The following PRRG1 variants were observed in gnomAD, a reference collection of about 807,000 sequenced individuals.
PRRG1 encodes transmembrane gamma-carboxyglutamic acid protein 1.
PRRG1 carries 5 observed loss-of-function variants against 11.8 expected under a neutral mutation model. The ratio of observed to expected loss-of-function variants is 0.42; its 90% confidence interval spans 0.22 to 0.89. The LOEUF (loss-of-function observed/expected upper bound fraction) is 0.89, where lower values mean the gene tolerates loss of function less well. PRRG1 is among the 40% of genes least tolerant of loss of function. The pLI is 0.28. For missense variants in PRRG1, 155 were observed against 166.1 expected, an observed-to-expected ratio of 0.93 and a Z score of 0.37; for synonymous variants, 66 against 60.4, an observed-to-expected ratio of 1.09 and a Z score of -0.43.
intron 1 of PRRG1, among the ~76,000 whole-genome samples, chrX:37,380,968 C>T (rs1312718607): frequency 9.0e-6 from 1 of 111,490 alleles, no homozygotes; most frequent in African/African-American, 3.3e-5. Context: ...CTTAGGGAAC[C>T]AAGGCTACCC....
intron 3 of PRRG1, among the ~76,000 whole-genome samples, chrX:37,437,409 A>G (rs939753042): frequency 4.1e-4 from 46 of 112,206 alleles, no homozygotes; most frequent in African/African-American, 1.5e-3. Flanking sequence ...AACCTTTTTC[A>G]GAACTATCCT....
intron 1 of PRRG1, among the ~76,000 whole-genome samples, chrX:37,392,035 T>C (rs1298956689): frequency 9.0e-5 from 10 of 110,859 alleles, no homozygotes; most frequent in Admixed American, 3.8e-4. Flanking sequence ...AGCCATTTCA[T>C]TGTATACACC....
At chrX:37,356,054 A>T (rs1556366027) in intron 1 of PRRG1, among the ~76,000 whole-genome samples, 2 of 112,806 alleles carry the variant, frequency 1.8e-5, no homozygotes, top group Non-Finnish European at 3.7e-5. Flanking sequence ...ATACAACAGT[A>T]TATAAAACAG....
intron 1 of PRRG1, among the ~76,000 whole-genome samples, chrX:37,400,937 G>C (rs1315545709): frequency 6.3e-4 from 70 of 111,177 alleles, no homozygotes; most frequent in African/African-American, 2.1e-3. Context: ...AAACCAGGAA[G>C]AAGTTGAATC....
chrX:37,368,702 T>G (rs1005855819), intron 1 of PRRG1, among the ~76,000 whole-genome samples: 50 of 98,640 alleles, frequency 5.1e-4, no homozygotes, highest in Non-Finnish European at 9.5e-5. Flanking sequence ...CTAAGATCTG[T>G]TTTTTTTTAT....
intron 1 of PRRG1, among the ~76,000 whole-genome samples, chrX:37,382,125 T>C (rs1556373890): frequency 9.0e-6 from 1 of 111,713 alleles, no homozygotes; most frequent in African/African-American, 3.2e-5. Context: ...TCGGAATCAA[T>C]TATTCCACAC....
At chrX:37,393,131 T>G (rs782139197) in intron 1 of PRRG1, among the ~76,000 whole-genome samples, 3 of 111,131 alleles carry the variant, frequency 2.7e-5, no homozygotes, top group Non-Finnish European at 3.8e-5. Flanking sequence ...CTAGAGATTG[T>G]AGGAGGTATC....
At chrX:37,406,943 G>T (rs1333819601) in intron 2 of PRRG1, among the ~76,000 whole-genome samples, 1 of 112,017 alleles carries the variant, frequency 8.9e-6, no homozygotes, top group African/African-American at 3.2e-5. Context: ...GAGTGCAAAG[G>T]TTGAGGACGG....
At chrX:37,394,605 C>T (rs1413552877) in intron 1 of PRRG1, among the ~76,000 whole-genome samples, 1 of 111,538 alleles carries the variant, frequency 9.0e-6, no homozygotes, top group East Asian at 2.8e-4. Context: ...TAAAATGTAG[C>T]CTGCAGTGTT....
At chrX:37,371,687 G>T (rs185861804) in intron 1 of PRRG1, among the ~76,000 whole-genome samples, 1 of 113,039 alleles carries the variant, frequency 8.8e-6, no homozygotes, top group Non-Finnish European at 1.9e-5. Flanking sequence ...CTTGCAGTAC[G>T]CCTGGCCCAG....
At chrX:37,391,477 GTAT>G (rs1931531000) in intron 1 of PRRG1, among the ~76,000 whole-genome samples, 1 of 111,554 alleles carries the variant, frequency 9.0e-6, no homozygotes, top group Non-Finnish European at 1.9e-5. Flanking sequence ...GGTAATAAAA[GTAT>G]TATTAATATT....
chrX:37,395,268 T>C (rs781786483), intron 1 of PRRG1, among the ~76,000 whole-genome samples: 158 of 111,990 alleles, frequency 1.4e-3, no homozygotes, highest in Non-Finnish European at 2.3e-3. Flanking sequence ...TTTGTTGAGA[T>C]GTATATAACG....
intron 2 of PRRG1, among the ~76,000 whole-genome samples, chrX:37,411,288 A>G (rs1334090628): frequency 8.9e-6 from 1 of 111,861 alleles, no homozygotes; most frequent in Non-Finnish European, 1.9e-5. Context: ...AAGGGACTTG[A>G]GCATTTTGGT....
chrX:37,385,667 G>A (rs1279434686), intron 1 of PRRG1, among the ~76,000 whole-genome samples: 1 of 110,534 alleles, frequency 9.0e-6, no homozygotes, highest in African/African-American at 3.3e-5. Context: ...TTGGCATAGG[G>A]TCTCTCATGA....
Position 37,456,634 on chromosome X carries a change from A to AT in PRRG1, c.*3019dup, listed in dbSNP as rs1297562962. 1 of 112,095 alleles carries AT rather than the reference A, an allele frequency of 8.9e-6. No individual in the cohort carries two copies. Among genetic ancestry groups the AT allele is most frequent in the Non-Finnish European group, 1.9e-5 (1 of 53,157 alleles). 9.2% of individuals were successfully genotyped at this position (112,095 alleles called of 1,213,427 possible). ...GGTTTGAGTTTGATTTGGCTTTTATATTTTTTAAAATCCCTTTTGCTACCC... is the reference window on the plus strand; with the variant it reads ...GGTTTGAGTTTGATTTGGCTTTTATATTTTTTTAAAATCCCTTTTGCTACCC... On this transcript the variant is annotated 3_prime_UTR_variant, in exon 4 of 4. Coordinates refer to ENST00000378628, the MANE Select transcript of PRRG1 (RefSeq NM_001142395.2).
intron 3 of PRRG1, among the ~76,000 whole-genome samples, chrX:37,436,994 A>T (rs1932891637): frequency 8.9e-6 from 1 of 112,331 alleles, no homozygotes; most frequent in Non-Finnish European, 1.9e-5. Flanking sequence ...TAAGTTAAAT[A>T]GGGCCAAAAT....
chrX:37,435,222 G>T (rs1469321309), intron 3 of PRRG1, among the ~76,000 whole-genome samples: 1 of 111,484 alleles, frequency 9.0e-6, no homozygotes, highest in Non-Finnish European at 1.9e-5. Context: ...ACCTAAAGAA[G>T]CTCTCAGTGG....
intron 1 of PRRG1, among the ~76,000 whole-genome samples, chrX:37,357,167 C>T (rs1425007858): frequency 1.8e-5 from 2 of 111,058 alleles, no homozygotes; most frequent in Non-Finnish European, 3.8e-5. Context: ...ATAAAGTATG[C>T]GGCTTTTTCA....
chrX:37,426,301 A>G (rs1932772722), intron 3 of PRRG1, among the ~76,000 whole-genome samples: 1 of 112,020 alleles, frequency 8.9e-6, no homozygotes, highest in South Asian at 3.7e-4. Context: ...GTTATAGATA[A>G]TATCACTTTG....
Sources: gnomAD v4.1 joint callset for allele counts (sites outside exome capture counted in the v4.1 genomes callset) on GRCh38, gnomAD v4.1.1 for gene constraint, MANE v1.5 for transcripts, NCBI Gene and HGNC (gene_info 2026-07-23, HGNC 2026-07-21) for gene names.